Variants in UBAP2 observed in about 807,000 individuals in gnomAD.
The protein encoded by UBAP2 is ubiquitin-associated protein 2.
UBAP2 carries 75 observed loss-of-function variants against 139.6 expected under a neutral mutation model. The observed-to-expected ratio is 0.54, with a 90% confidence interval of 0.45 to 0.65. The LOEUF is 0.65. Ranked by LOEUF, UBAP2 falls within the 30% of genes least tolerant of loss-of-function variation. The probability of loss-of-function intolerance (pLI) is 0.00; values close to 1 mark genes in which losing one functional copy is unlikely to be tolerated. For synonymous variants in UBAP2, 526 were observed against 526.2 expected (o/e 1.00, Z 0.01); for missense variants, 1,368 against 1,369.6 (o/e 1.00, Z 0.02).
chr9:34,001,120 G>A (rs1822664329), intron 2 of UBAP2, among the ~76,000 whole-genome samples: 3 of 152,200 alleles, frequency 2.0e-5, no homozygotes, highest in African/African-American at 7.2e-5. Context: ...AGGGAGAGAT[G>A]GGTTTTTAAA....
intron 15 of UBAP2, 24 bp downstream of exon 15, chr9:33,943,396 A>AT: frequency 1.9e-6 from 3 of 1,611,914 alleles, no homozygotes; most frequent in Non-Finnish European, 2.5e-6. Context: ...ATTTTGCTTC[A>AT]TAACAAAGGA....
chr9:33,992,274 G>C (rs1821772868), intron 4 of UBAP2, among the ~76,000 whole-genome samples: 1 of 151,298 alleles, frequency 6.6e-6, no homozygotes, highest in African/African-American at 2.4e-5. Context: ...TGTAATCCCA[G>C]CTACTCGGGA....
At chr9:33,942,831 A>G (rs754226449) in intron 15 of UBAP2, among the ~76,000 whole-genome samples, 4 of 152,230 alleles carry the variant, frequency 2.6e-5, no homozygotes, top group Non-Finnish European at 5.9e-5. Context: ...TGGAGAAATT[A>G]GATCCCTCAT....
intron 1 of UBAP2, among the ~76,000 whole-genome samples, chr9:34,041,634 C>CTGCAGT (rs1430780724): frequency 6.6e-6 from 1 of 151,950 alleles, no homozygotes; most frequent in African/African-American, 2.4e-5. Flanking sequence ...GAGGCAGAGG[C>CTGCAGT]TGCAGTGAGC....
chr9:33,964,877 T>C (rs1587575440), intron 8 of UBAP2, among the ~76,000 whole-genome samples: 1 of 152,296 alleles, frequency 6.6e-6, no homozygotes, highest in Middle Eastern at 3.4e-3. Context: ...CCACCAGGCA[T>C]GTATATGAGT....
Position 33,923,250 on chromosome 9 carries a change from G to A in UBAP2, c.2940C>T (p.Ser980=), listed in dbSNP as rs1487798051. 6.2e-7 allele frequency: 1 copy of A among 1,614,200 alleles called. No homozygotes were observed. The highest frequency in any genetic ancestry group is 8.5e-7 in the Non-Finnish European group (1 of 1,180,030). ...GCGATGATCCAGCATAGCCACCTTT[G>A]GAGTAGTCTCCTGCTGCTGTCCCCT... ...LTQGTAAGDY[S]KGGYAGSSQA... is the part of the protein sequence containing the mutation. Residue 980 remains serine, a synonymous_variant, in exon 26 of 29, where the codon TCC becomes TCT. Coordinates refer to ENST00000379238, the MANE Select transcript of UBAP2 (RefSeq NM_001370062.2).
Position 33,924,212 on chromosome 9 carries a change from A to G in UBAP2, c.2584T>C (p.Tyr862His). 1 of 1,614,192 alleles carries G rather than the reference A, an allele frequency of 6.2e-7. No individual in the cohort carries two copies. The highest frequency in any genetic ancestry group is 2.2e-5 in the East Asian group (1 of 44,880). ...ATCCATTGAGCAAACTCACCTGGAT[A>G]TGGATTATTAGCTAGGCTCCCATCT... is the stretch of plus-strand genomic sequence containing the variant. ...SRDGSLANNP[Y>H]PGDVTKFGRG... The change falls in exon 23 of 29, where the codon TAT becomes CAT. Residue 862 changes from tyrosine (Y) to histidine (H), a missense_variant. Transcript: ENST00000379238.
chr9:34,003,821 G>A (rs775313157), intron 2 of UBAP2, among the ~76,000 whole-genome samples: 3 of 152,164 alleles, frequency 2.0e-5, no homozygotes, highest in Non-Finnish European at 4.4e-5. Context: ...CCAGGTTGAA[G>A]CAATTCTAGT....
chr9:34,035,530 G>T (rs1408213421), intron 1 of UBAP2, among the ~76,000 whole-genome samples: 23 of 34,968 alleles, frequency 6.6e-4, no homozygotes, highest in East Asian at 1.8e-3. Context: ...TATATATAAA[G>T]ATTAGCCAGG....
At chr9:33,987,275 G>T (rs1052454159) in intron 5 of UBAP2, among the ~76,000 whole-genome samples, 1 of 152,084 alleles carries the variant, frequency 6.6e-6, no homozygotes, top group Non-Finnish European at 1.5e-5. Flanking sequence ...AGCCAAGTGT[G>T]GTGGCGCGCA....
intron 1 of UBAP2, among the ~76,000 whole-genome samples, chr9:34,032,503 C>T (rs967930510): frequency 3.3e-5 from 5 of 152,130 alleles, no homozygotes. Context: ...TTTGGCCAGT[C>T]AGAAGGAAGG....
Position 33,999,853 on chromosome 9 carries a change from C to CGTATGTATGTAT in UBAP2, c.100-1001_100-990dup, listed in dbSNP as rs67444158. 2.2e-3 allele frequency among the ~76,000 whole-genome samples: 303 copies of CGTATGTATGTAT among 138,268 alleles called. 2 individuals carry two copies. Among genetic ancestry groups the CGTATGTATGTAT allele is most frequent in the African/African-American group, 6.1e-3 (224 of 36,988 alleles). 90.7% of individuals were successfully genotyped at this position (138,268 alleles called of 152,430 possible). A position where few individuals can be genotyped will look rare whatever the true frequency, so the allele number is the denominator to read the frequency against. On this transcript the variant is annotated intron_variant, in intron 2 of 28. Transcript: ENST00000379238. Reference sequence around the variant, plus strand: ...GCCTCCAGAGTAGCTGGGATTACTACGTATGTATGTATGTATGTATGTATG... The same window carrying CGTATGTATGTAT: ...GCCTCCAGAGTAGCTGGGATTACTACGTATGTATGTATGTATGTATGTATGTATGTATGTATG...
At chr9:33,965,257 T>TA (rs1827358245) in intron 8 of UBAP2, among the ~76,000 whole-genome samples, 1 of 151,616 alleles carries the variant, frequency 6.6e-6, no homozygotes, top group Non-Finnish European at 1.5e-5. Flanking sequence ...ACTTCTTCCA[T>TA]TTTTTCCCCC....
At chr9:33,975,272 A>T (rs1828224308) in intron 6 of UBAP2, among the ~76,000 whole-genome samples, 2 of 151,714 alleles carry the variant, frequency 1.3e-5, no homozygotes, top group East Asian at 3.9e-4. Flanking sequence ...TTTATTAAAA[A>T]AATGCAAAAA....
intron 8 of UBAP2, among the ~76,000 whole-genome samples, chr9:33,970,242 A>G (rs1295838661): frequency 6.6e-6 from 1 of 151,746 alleles, no homozygotes; most frequent in East Asian, 1.9e-4. Flanking sequence ...CCTGGAACCA[A>G]TTATTCACGT....
intron 1 of UBAP2, among the ~76,000 whole-genome samples, chr9:34,017,842 G>C (rs1824511517): frequency 6.6e-6 from 1 of 151,982 alleles, no homozygotes; most frequent in South Asian, 2.1e-4. Context: ...CAGGAGAATG[G>C]CGTGAACCCG....
At chr9:33,989,250 T>C in intron 4 of UBAP2, 124 bp from the exon 5 acceptor site, 1 of 1,118,284 alleles carries the variant, frequency 8.9e-7, no homozygotes. Context: ...TCGCCCAGGC[T>C]GGAGTGCATG....
intron 1 of UBAP2, among the ~76,000 whole-genome samples, chr9:34,033,737 TTC>T (rs1190074983): frequency 6.6e-6 from 1 of 151,380 alleles, no homozygotes; most frequent in Non-Finnish European, 1.5e-5. Context: ...ATCAAATCAA[TTC>T]TTTTTTTTTT....
intron 13 of UBAP2, among the ~76,000 whole-genome samples, chr9:33,946,847 C>G (rs1435312781): frequency 6.6e-6 from 1 of 152,146 alleles, no homozygotes; most frequent in Non-Finnish European, 1.5e-5. Context: ...TCCTATCACT[C>G]ACTAGTTATG....
Sources: gnomAD v4.1 joint callset for allele counts (sites outside exome capture counted in the v4.1 genomes callset) on GRCh38, gnomAD v4.1.1 for gene constraint, MANE v1.5 for transcripts, NCBI Gene and HGNC (gene_info 2026-07-23, HGNC 2026-07-21) for gene names.